The following PPP2R3B variants were observed in gnomAD, a reference collection of about 807,000 sequenced individuals.
The protein encoded by PPP2R3B is protein phosphatase 2 regulatory subunit B''beta.
In PPP2R3B, 68 loss-of-function variants were observed where a neutral mutation model predicts 72.9. The observed-to-expected ratio is 0.93, with a 90% CI of 0.77 to 1.14. The LOEUF is 1.14. Ranked by LOEUF, PPP2R3B falls within the 50% of genes most tolerant of loss-of-function variation. The pLI is 0.00. For missense variants in PPP2R3B, 1,018 were observed against 842.0 expected, an observed-to-expected ratio of 1.21 and a Z score of -2.59; for synonymous variants, 466 against 375.8, an observed-to-expected ratio of 1.24 and a Z score of -2.78.
In PPP2R3B at chrX:334,343, G is replaced by T; in HGVS notation, c.*24C>A. The T allele has an allele frequency of 6.8e-7, 1 of 1,463,582 alleles. No homozygotes were observed. The allele number at this position is 1,463,582 out of a possible 1,614,324, so 90.7% of individuals were successfully genotyped here. On this transcript the variant is annotated 3_prime_UTR_variant, in exon 13 of 13. Coordinates refer to ENST00000390665, the MANE Select transcript of PPP2R3B (RefSeq NM_013239.5). ...GTGGTGGCACGTGGGGAGCGGCCCC[G>T]CGGCGGCGTTCTCGCGGGCGGCGTC...
chrX:379,658 G>A (rs543283502), intron 1 of PPP2R3B, among the ~76,000 whole-genome samples: 63 of 152,360 alleles, frequency 4.1e-4, no homozygotes, highest in African/African-American at 1.4e-3. Context: ...TCAAGGAGGT[G>A]CAAGAGGTGT....
At chrX:351,098 G>A (rs968349199) in intron 2 of PPP2R3B, among the ~76,000 whole-genome samples, 3 of 152,140 alleles carry the variant, frequency 2.0e-5, no homozygotes, top group East Asian at 1.9e-4. Flanking sequence ...TCCGGCTGGC[G>A]CACCTGTGGA....
intron 1 of PPP2R3B, among the ~76,000 whole-genome samples, chrX:384,909 C>T (rs1020170522): frequency 2.4e-4 from 33 of 136,126 alleles, no homozygotes; most frequent in Non-Finnish European, 4.4e-4. Context: ...CGCTTGAACC[C>T]GGGAGGCGGA....
chrX:363,944 C>A (rs1192633425), intron 1 of PPP2R3B, among the ~76,000 whole-genome samples: 10 of 152,248 alleles, frequency 6.6e-5, no homozygotes, highest in Non-Finnish European at 1.5e-4. Context: ...CTGCCAAGAA[C>A]CCTGGACAGA....
chrX:383,904 G>A (rs1316716913), intron 1 of PPP2R3B, among the ~76,000 whole-genome samples: 2 of 141,212 alleles, frequency 1.4e-5, no homozygotes, highest in African/African-American at 2.6e-5. Context: ...TCCCAGTCAT[G>A]ACTGGATGGG....
chrX:336,675 T>G (rs1161119241), intron 12 of PPP2R3B: 2 of 152,180 alleles, frequency 1.3e-5, no homozygotes, highest in African/African-American at 4.8e-5. Flanking sequence ...ATCCAGTAAG[T>G]GAGTTTCATG....
intron 1 of PPP2R3B, among the ~76,000 whole-genome samples, chrX:385,323 T>A (rs2072223129): frequency 3.8e-5 from 3 of 79,686 alleles, no homozygotes; most frequent in African/African-American, 1.3e-4. Context: ...TAGTTTTCTT[T>A]TTTTTTTTTT....
In PPP2R3B at chrX:340,976, G is replaced by A. The variant is rs762396513; in HGVS notation, c.1176-36C>T. ...GCGAGCTCTGTCAGCCCCTGCCCTG[G>A]GCCCTCCCAGCCCGTGACCTGCAGC... On this transcript the variant is annotated intron_variant, in intron 9 of 12. Coordinates refer to ENST00000390665, the MANE Select transcript of PPP2R3B (RefSeq NM_013239.5). 6.9e-6 allele frequency: 11 copies of A among 1,598,734 alleles called. No individual in the cohort carries two copies. In the South Asian group the frequency reaches 7.8e-5, roughly 11 times the overall value.
rs1224234915 is a variant in PPP2R3B, at chrX:364,632, C to T, written c.325-3042G>A. Among the ~76,000 whole-genome samples, 42 of 143,996 alleles carry T rather than the reference C, an allele frequency of 2.9e-4. 2 individuals carry two copies. Among genetic ancestry groups the T allele is most frequent in the Non-Finnish European group, 3.3e-4 (22 of 65,950 alleles). 94.5% of individuals were successfully genotyped at this position (143,996 alleles called of 152,430 possible). On this transcript the variant is annotated intron_variant, in intron 1 of 12. Coordinates refer to ENST00000390665, the MANE Select transcript of PPP2R3B (RefSeq NM_013239.5). Reference sequence around the variant, plus strand: ...ACTCGGGAGGCTGAGGCAGGAGAATCGCTTCAACACAGGAGGCGGAGGTTG... The same window carrying T: ...ACTCGGGAGGCTGAGGCAGGAGAATTGCTTCAACACAGGAGGCGGAGGTTG...
At position 367,364 on chromosome X, in the gene PPP2R3B, C is replaced by T. The variant is rs189865260; in HGVS notation, c.325-5774G>A. 2.2e-3 allele frequency among the ~76,000 whole-genome samples: 331 copies of T among 149,330 alleles called. 2 individuals carry two copies. The highest frequency in any genetic ancestry group is 7.7e-3 in the African/African-American group (316 of 40,820). On this transcript the variant is annotated intron_variant, in intron 1 of 12. Transcript: ENST00000390665. ...ACATGCTGACTGGATGAGTGTGAGA[C>T]GGTTTGTGAGTTGGAGGAAAAGATA...
chrX:338,987 T>A (rs2070976559), intron 10 of PPP2R3B, 91 bp from the exon 11 acceptor site: 2 of 1,045,568 alleles, frequency 1.9e-6, no homozygotes, highest in Non-Finnish European at 3.0e-6. Context: ...CACACGTGCT[T>A]AAGGACGCGG....
intron 2 of PPP2R3B, among the ~76,000 whole-genome samples, chrX:356,184 C>T (rs1842684880): frequency 6.6e-6 from 1 of 152,206 alleles, no homozygotes; most frequent in Non-Finnish European, 1.5e-5. Context: ...AAATGCGTCA[C>T]TCAGGGCCAC....
At chrX:339,368 G>T (rs1325174632) in intron 10 of PPP2R3B, among the ~76,000 whole-genome samples, 1 of 118,082 alleles carries the variant, frequency 8.5e-6, no homozygotes, top group African/African-American at 3.4e-5. Flanking sequence ...AGGAAGCCAG[G>T]CGGCGTGGAC....
At chrX:334,562 G>A (rs2070837148) in intron 12 of PPP2R3B, 45 bp from the exon 13 acceptor site, 1 of 1,421,376 alleles carries the variant, frequency 7.0e-7, no homozygotes, top group African/African-American at 1.5e-5. Context: ...GCGCGGAGCA[G>A]GCCCTGGGCC....
At chrX:382,003 TA>T (rs1245224155) in intron 1 of PPP2R3B, among the ~76,000 whole-genome samples, 1 of 152,120 alleles carries the variant, frequency 6.6e-6, no homozygotes, top group East Asian at 1.9e-4. Context: ...TAGACATGTT[TA>T]AGGTAAACTT....
rs1464615283 is a variant in PPP2R3B, at chrX:341,258, G to A, written c.1175+49C>T. 1.3e-5 allele frequency: 21 copies of A among 1,595,972 alleles called. No homozygotes were observed. In the East Asian group the frequency reaches 4.3e-4, roughly 33 times the overall value. The stretch of plus-strand genomic sequence containing the variant: ...CCTGGGGACACATGTCACATGGGCG[G>A]CTCCCGGCCCCTCCACTGGGACAAA... On this transcript the variant is annotated intron_variant, in intron 9 of 12. Transcript: ENST00000390665.
intron 1 of PPP2R3B, among the ~76,000 whole-genome samples, chrX:378,576 G>C (rs111885545): frequency 0.013 from 1,919 of 152,330 alleles, 43 homozygotes; most frequent in African/African-American, 0.044. Flanking sequence ...CGTCTGCAGA[G>C]CACGGCTTCC....
rs772394799 is a variant in PPP2R3B, at chrX:386,422, G to A, written c.270C>T (p.Ser90=). ...CTCGAACGTGGGGCGCGTTCCTGGG[G>A]CTGGAGGCGGCGCCCAGGGGCAGCG... ...GPALPLGAAS[S]PRNAPHVRGT... Residue 90 remains serine, a synonymous_variant, in exon 1 of 13, where the codon AGC becomes AGT. Coordinates refer to ENST00000390665, the MANE Select transcript of PPP2R3B (RefSeq NM_013239.5). 7.6e-7 allele frequency: 1 copy of A among 1,319,422 alleles called. No individual in the cohort carries two copies. The allele number at this position is 1,319,422 out of a possible 1,614,324, so 81.7% of individuals were successfully genotyped here.
At chrX:352,660 G>A (rs1253344464) in intron 2 of PPP2R3B, among the ~76,000 whole-genome samples, 2 of 151,876 alleles carry the variant, frequency 1.3e-5, no homozygotes, top group South Asian at 2.1e-4. Context: ...CCCACGTGAT[G>A]GTGCTGCTGA....
Sources: gnomAD v4.1 joint callset for allele counts (sites outside exome capture counted in the v4.1 genomes callset) on GRCh38, gnomAD v4.1.1 for gene constraint, MANE v1.5 for transcripts, NCBI Gene and HGNC (gene_info 2026-07-23, HGNC 2026-07-21) for gene names.